The following ZFHX3 variants were observed in gnomAD, a reference collection of about 807,000 sequenced individuals.
The protein encoded by ZFHX3 is zinc finger homeobox 3.
Under a neutral mutation model 279.1 loss-of-function variants are expected in ZFHX3, and 42 were observed. The ratio of observed to expected loss-of-function variants is 0.15; its 90% CI spans 0.12 to 0.19. The LOEUF (loss-of-function observed/expected upper bound fraction) is 0.19, where lower values mean the gene tolerates loss of function less well. Ranked by LOEUF, ZFHX3 falls within the 10% of genes least tolerant of loss-of-function variation. The pLI is 1.00. For missense variants in ZFHX3, 4,981 were observed against 4,754.0 expected (o/e 1.05, Z -1.40); for synonymous variants, 2,293 against 1,957.8 (o/e 1.17, Z -4.52).
intron 2 of ZFHX3, among the ~76,000 whole-genome samples, chr16:73,527,864 G>C (rs1248867834): frequency 6.6e-6 from 1 of 152,182 alleles, no homozygotes; most frequent in Non-Finnish European, 1.5e-5. Flanking sequence ...CCAACCTCTT[G>C]ATAGCAGCCT....
intron 3 of ZFHX3, among the ~76,000 whole-genome samples, chr16:73,454,988 T>C (rs1012863051): frequency 6.6e-6 from 1 of 152,186 alleles, no homozygotes; most frequent in African/African-American, 2.4e-5. Flanking sequence ...AATGAAGACC[T>C]TTTATGCCAA....
At chr16:73,302,444 C>T (rs1567444560) in intron 4 of ZFHX3, among the ~76,000 whole-genome samples, 1 of 152,214 alleles carries the variant, frequency 6.6e-6, no homozygotes, top group Non-Finnish European at 1.5e-5. Context: ...GCGTTGAACA[C>T]AACTGAGGTT....
chr16:73,143,984 C>T (rs1028371414), intron 5 of ZFHX3, among the ~76,000 whole-genome samples: 1 of 152,066 alleles, frequency 6.6e-6, no homozygotes, highest in Non-Finnish European at 1.5e-5. Flanking sequence ...TCAAGTCACC[C>T]CCTTGTCGGC....
intron 1 of ZFHX3, among the ~76,000 whole-genome samples, chr16:73,795,692 C>A: frequency 6.6e-6 from 1 of 152,198 alleles, no homozygotes; most frequent in East Asian, 1.9e-4. Flanking sequence ...ATGACCTGTT[C>A]CCTGATTTGA....
intron 4 of ZFHX3, among the ~76,000 whole-genome samples, 181 bp downstream of exon 4, chr16:72,889,550 C>T (rs1253454069): frequency 6.6e-6 from 1 of 151,504 alleles, no homozygotes; most frequent in African/African-American, 2.4e-5. Flanking sequence ...GACAGAAAGG[C>T]GGGCAGGCAA....
intron 3 of ZFHX3, among the ~76,000 whole-genome samples, chr16:73,322,338 G>A (rs4888572): frequency 0.4 from 60,993 of 151,588 alleles, 14,046 homozygotes; most frequent in Non-Finnish European, 0.53. Flanking sequence ...AGGCAGCTAG[G>A]TTTAAAGAAA....
chr16:73,253,831 G>C (rs571337132), intron 5 of ZFHX3, among the ~76,000 whole-genome samples: 17 of 152,192 alleles, frequency 1.1e-4, no homozygotes, highest in African/African-American at 4.1e-4. Context: ...TGTCACTCTG[G>C]TTTGGGAGAT....
intron 1 of ZFHX3, among the ~76,000 whole-genome samples, chr16:72,964,978 A>G (rs1961762109): frequency 6.6e-6 from 1 of 152,058 alleles, no homozygotes; most frequent in Admixed American, 6.5e-5. Context: ...CTTGGGCTCA[A>G]GCGATTCTCC....
At chr16:73,691,490 C>T (rs2053149325) in intron 1 of ZFHX3, among the ~76,000 whole-genome samples, 1 of 152,190 alleles carries the variant, frequency 6.6e-6, no homozygotes, top group African/African-American at 2.4e-5. Context: ...GATTTAAATC[C>T]TGGCTCTACC....
intron 1 of ZFHX3, among the ~76,000 whole-genome samples, chr16:73,792,864 C>CA (rs965520741): frequency 1.4e-5 from 2 of 147,830 alleles, no homozygotes; most frequent in African/African-American, 2.6e-5. Context: ...GCACCCCCCC[C>CA]CTCCCCTCTC....
At chr16:73,444,958 A>C (rs1211227806) in intron 3 of ZFHX3, among the ~76,000 whole-genome samples, 15 of 4,150 alleles carry the variant, frequency 3.6e-3, no homozygotes, top group African/African-American at 4.9e-3. Context: ...TCTATACTAA[A>C]AAAAAAAAAA....
chr16:73,345,688 C>G (rs113546666), intron 3 of ZFHX3, among the ~76,000 whole-genome samples: 1 of 152,090 alleles, frequency 6.6e-6, no homozygotes, highest in South Asian at 2.1e-4. Flanking sequence ...GTGAGTAGTG[C>G]TGCAATGAAC....
At chr16:73,559,674 T>G (rs1234178863) in intron 2 of ZFHX3, among the ~76,000 whole-genome samples, 1 of 152,190 alleles carries the variant, frequency 6.6e-6, no homozygotes, top group Non-Finnish European at 1.5e-5. Flanking sequence ...ATGTTCTATA[T>G]TTGAGTCAAA....
intron 4 of ZFHX3, among the ~76,000 whole-genome samples, chr16:72,877,200 AAAT>A (rs2038336073): frequency 6.6e-6 from 1 of 152,208 alleles, no homozygotes; most frequent in South Asian, 2.1e-4. Flanking sequence ...GCAGGGAATC[AAAT>A]GGCTGCAGAA....
chr16:72,907,545 TTGTGTGTGTGTGTGTGTGTGTG>T lies in ZFHX3; in HGVS notation c.3217-17605_3217-17584del, dbSNP rs547618913. Reference sequence around the variant, plus strand: ...CTCGGTTTCCAAAGGTTTCCTCTATTTGTGTGTGTGTGTGTGTGTGTGTGTGTGTGTGTGTGTGTGTGTGTGT... The same window carrying T: ...CTCGGTTTCCAAAGGTTTCCTCTATTTGTGTGTGTGTGTGTGTGTGTGTGT... On this transcript the variant is annotated intron_variant, in intron 3 of 9. Coordinates refer to ENST00000268489, the MANE Select transcript of ZFHX3 (RefSeq NM_006885.4). 7.0e-4 allele frequency among the ~76,000 whole-genome samples: 84 copies of T among 120,480 alleles called. 1 individual carries two copies. The highest frequency in any genetic ancestry group is 2.3e-3 in the South Asian group (7 of 3,060). The allele number at this position is 120,480 out of a possible 152,430, so 79.0% of individuals were successfully genotyped here. A position where few individuals can be genotyped will look rare whatever the true frequency, so the allele number is the denominator to read the frequency against.
intron 3 of ZFHX3, among the ~76,000 whole-genome samples, chr16:73,349,244 C>T (rs9924448): frequency 0.42 from 63,490 of 152,002 alleles, 14,806 homozygotes; most frequent in Non-Finnish European, 0.53. Context: ...CAACAATCCC[C>T]GGGAATTCCC....
chr16:73,546,676 GCTGCT>G (rs2020115044), intron 2 of ZFHX3, among the ~76,000 whole-genome samples: 1 of 14,638 alleles, frequency 6.8e-5, no homozygotes, highest in Non-Finnish European at 1.0e-4. Context: ...TGCTGTTGCT[GCTGCT>G]GCTGCTGCTG....
chr16:72,924,787 G>T (rs533610546), intron 3 of ZFHX3, among the ~76,000 whole-genome samples: 2 of 152,154 alleles, frequency 1.3e-5, no homozygotes, highest in African/African-American at 4.8e-5. Context: ...AACCCTTCTC[G>T]TTCACTCTCG....
chr16:73,730,560 T>G (rs150360310), intron 1 of ZFHX3, among the ~76,000 whole-genome samples: 261 of 152,264 alleles, frequency 1.7e-3, no homozygotes, highest in African/African-American at 6.1e-3. Flanking sequence ...CGGAGACATC[T>G]AAATTCCATA....
Sources: allele counts gnomAD v4.1 joint callset (sites outside exome capture counted in the v4.1 genomes callset), GRCh38; gene constraint gnomAD v4.1.1; transcripts MANE v1.5; gene names NCBI Gene and HGNC (gene_info 2026-07-23, HGNC 2026-07-21).